The following ITPR1 variants were observed in gnomAD, a reference collection of about 807,000 sequenced individuals.
ITPR1 encodes the protein inositol 1,4,5-trisphosphate-gated calcium channel ITPR1.
In ITPR1, 96 loss-of-function variants were observed where a neutral mutation model predicts 318.4. That is an observed-to-expected ratio of 0.30 (90% CI 0.26 to 0.36). ITPR1 has a LOEUF of 0.36. Among genes scored for constraint, ITPR1 ranks in the 10% least tolerant of loss-of-function variants. The probability of loss-of-function intolerance (pLI) is 1.00; values close to 1 mark genes in which losing one functional copy is unlikely to be tolerated. For missense variants in ITPR1, 2,440 were observed against 3,460.2 expected (o/e 0.71, Z 7.40); for synonymous variants, 1,312 against 1,289.9 (o/e 1.02, Z -0.37).
At chr3:4,512,478 ATTG>A (rs1057107665) in intron 2 of ITPR1, among the ~76,000 whole-genome samples, 13 of 152,118 alleles carry the variant, frequency 8.5e-5, no homozygotes, top group African/African-American at 2.9e-4. Context: ...GTAATTCGCT[ATTG>A]TTCACCTTTT....
rs1225119305 is a variant in ITPR1, at chr3:4,710,865, T to C, written c.4991+392T>C. On this transcript the variant is annotated intron_variant, in intron 38 of 61. Coordinates refer to ENST00000649015, the MANE Select transcript of ITPR1 (RefSeq NM_001378452.1). The surrounding 1 kb of genome is among the most constrained non-coding windows in gnomAD (Gnocchi z 4.2). ...TTTTGTAATTTCTTAGTTTATGCCT[T>C]GTGCGTAATCTGTAAGCAACAAGCA... Among the ~76,000 whole-genome samples, 3 of 152,156 alleles carry C rather than the reference T, an allele frequency of 2.0e-5. No individual in the cohort carries two copies. The highest frequency in any genetic ancestry group is 4.4e-5 in the Non-Finnish European group (3 of 68,026).
intron 30 of ITPR1, among the ~76,000 whole-genome samples, chr3:4,687,746 G>A (rs956757833): frequency 8.5e-5 from 13 of 152,186 alleles, no homozygotes; most frequent in African/African-American, 1.9e-4. Flanking sequence ...TGCTATTAAT[G>A]TATGAATCAC....
chr3:4,818,008 C>A, intron 59 of ITPR1, 74 bp from the exon 60 acceptor site: 2 of 1,279,490 alleles, frequency 1.6e-6, no homozygotes, highest in Non-Finnish European at 2.1e-6. Flanking sequence ...TTTCTACTGA[C>A]AGTTCTGTTA....
intron 44 of ITPR1, among the ~76,000 whole-genome samples, chr3:4,741,953 A>T (rs947431912): frequency 3.9e-5 from 6 of 152,176 alleles, no homozygotes; most frequent in Non-Finnish European, 7.3e-5. Flanking sequence ...CTCCTCCTGC[A>T]CGTGGGGGTT....
intron 60 of ITPR1, chr3:4,830,859 CT>C (rs1167671585): frequency 4.4e-6 from 2 of 451,138 alleles, no homozygotes; most frequent in East Asian, 1.4e-4. Context: ...TCAAGCCCCC[CT>C]CACCCTCAAC....
chr3:4,624,260 A>G (rs1185316829), intron 4 of ITPR1, among the ~76,000 whole-genome samples: 1 of 152,222 alleles, frequency 6.6e-6, no homozygotes, highest in African/African-American at 2.4e-5. Context: ...TTTGGTCCAT[A>G]AAGTAAGTCA....
At chr3:4,501,139 G>A (rs1443861789) in intron 2 of ITPR1, among the ~76,000 whole-genome samples, 2 of 152,020 alleles carry the variant, frequency 1.3e-5, no homozygotes, top group Admixed American at 6.5e-5. Context: ...TGGGACTGGA[G>A]GTGTGAGTCA....
intron 59 of ITPR1, among the ~76,000 whole-genome samples, chr3:4,816,876 A>AT (rs1575361623): frequency 6.6e-6 from 1 of 152,076 alleles, no homozygotes; most frequent in African/African-American, 2.4e-5. Context: ...CCCAATGATG[A>AT]TTTTTATGTT....
intron 2 of ITPR1, among the ~76,000 whole-genome samples, chr3:4,495,493 C>G (rs2080477495): frequency 6.6e-6 from 1 of 152,268 alleles, no homozygotes; most frequent in Non-Finnish European, 1.5e-5. Flanking sequence ...TGTGAGAACT[C>G]TAGTTTCTTC....
At chr3:4,683,156 T>G (rs946635518) in intron 26 of ITPR1, among the ~76,000 whole-genome samples, 1 of 152,252 alleles carries the variant, frequency 6.6e-6, no homozygotes, top group Admixed American at 6.5e-5. Flanking sequence ...TCACTTTGGC[T>G]TAAAATTTGA....
chr3:4,571,845 T>G (rs548494308), intron 4 of ITPR1, among the ~76,000 whole-genome samples: 1 of 152,244 alleles, frequency 6.6e-6, no homozygotes, highest in East Asian at 1.9e-4. Flanking sequence ...TTGAGACCCT[T>G]GTTTCATCTC....
intron 4 of ITPR1, among the ~76,000 whole-genome samples, chr3:4,523,057 C>T (rs1355727830): frequency 6.6e-6 from 1 of 152,176 alleles, no homozygotes; most frequent in Non-Finnish European, 1.5e-5. Context: ...AGAACCATGG[C>T]TAATGAAATC....
At position 4,693,528 on chromosome 3, in the gene ITPR1, C is replaced by T. The variant is rs542486327; in HGVS notation, c.4068C>T (p.Asn1356=). 65 of 1,613,900 alleles carry T rather than the reference C, an allele frequency of 4.0e-5. No individual in the cohort carries two copies. Among genetic ancestry groups the T allele is most frequent in the East Asian group, 6.7e-5 (3 of 44,878 alleles). The stretch of plus-strand genomic sequence containing the variant: ...GAGAGGATGTCCTCGTGTTCTACAA[C>T]GACAGAGCCTCTTTCCAGACTCTGA... The part of the protein sequence containing the change: ...NSGEDVLVFY[N]DRASFQTLIQ... Residue 1356 remains asparagine, a synonymous_variant, in exon 33 of 62, where the codon AAC becomes AAT. Transcript: ENST00000649015.
intron 4 of ITPR1, among the ~76,000 whole-genome samples, chr3:4,581,161 C>T (rs2089296619): frequency 6.6e-6 from 1 of 152,290 alleles, no homozygotes; most frequent in East Asian, 1.9e-4. Context: ...CCAAATCCAC[C>T]CCGACAGCCC....
chr3:4,817,785 C>T (rs2049404112), intron 59 of ITPR1, among the ~76,000 whole-genome samples: 1 of 152,198 alleles, frequency 6.6e-6, no homozygotes, highest in African/African-American at 2.4e-5. Flanking sequence ...CTAAACACTC[C>T]TGGAACCTAG....
chr3:4,691,434 C>T (rs2094476951), intron 32 of ITPR1, 90 bp downstream of exon 32: 3 of 817,462 alleles, frequency 3.7e-6, no homozygotes, highest in South Asian at 3.5e-5. Context: ...CTTGCACCCT[C>T]TTCAGGAGCC....
intron 7 of ITPR1, 78 bp from the exon 8 acceptor site, chr3:4,644,058 T>C (rs777171017): frequency 4.5e-6 from 4 of 887,396 alleles, no homozygotes; most frequent in Non-Finnish European, 7.4e-6. Context: ...GACTCATATG[T>C]CTTCTAGAAC....
chr3:4,554,869 G>GA (rs1330122451), intron 4 of ITPR1, among the ~76,000 whole-genome samples: 1 of 152,030 alleles, frequency 6.6e-6, no homozygotes, highest in Non-Finnish European at 1.5e-5. Flanking sequence ...ACAATCTGGG[G>GA]AAAAAAGCAA....
chr3:4,621,534 A>G (rs952997797), intron 4 of ITPR1, among the ~76,000 whole-genome samples: 2 of 152,174 alleles, frequency 1.3e-5, no homozygotes, highest in Non-Finnish European at 2.9e-5. Context: ...TCCAAACCAT[A>G]TCAATCACCA....
Sources: gnomAD v4.1 joint callset for allele counts (sites outside exome capture counted in the v4.1 genomes callset) on GRCh38, gnomAD v4.1.1 for gene constraint, Gnocchi (gnomAD v3.1) non-coding constraint, MANE v1.5 for transcripts, NCBI Gene and HGNC (gene_info 2026-07-23, HGNC 2026-07-21) for gene names.